KHDRBS2: variants seen among roughly 807,000 people sequenced by gnomAD.
The protein encoded by KHDRBS2 is KH domain-containing, RNA-binding, signal transduction-associated protein 2.
A neutral mutation model predicts 44.3 loss-of-function variants in KHDRBS2; 26 were observed. That is an observed-to-expected ratio of 0.59 (90% CI 0.43 to 0.81). The LOEUF (loss-of-function observed/expected upper bound fraction) is 0.81. Among genes scored for constraint, KHDRBS2 ranks in the 40% least tolerant of loss-of-function variants. KHDRBS2 has a pLI of 0.00. For missense variants in KHDRBS2, 476 were observed against 433.1 expected (o/e 1.10, Z -0.88); for synonymous variants, 194 against 151.1 (o/e 1.28, Z -2.08).
Position 62,266,953 on chromosome 6 carries a change from G to C in KHDRBS2, c.91+18905C>G, listed in dbSNP as rs115677805. Among the ~76,000 whole-genome samples, 385 of 152,056 alleles carry C rather than the reference G, an allele frequency of 2.5e-3. 3 individuals carry two copies. Among genetic ancestry groups the C allele is most frequent in the African/African-American group, 8.5e-3 (352 of 41,522 alleles). On this transcript the variant is annotated intron_variant, in intron 1 of 8. Transcript: ENST00000281156. ...TTTTCTTTAGAAATTAATAAGGTTT[G>C]TTTGGCATCTTAGCTAGTTTCAGTG...
At chr6:62,046,675 G>A (rs1787769112) in intron 3 of KHDRBS2, among the ~76,000 whole-genome samples, 1 of 151,832 alleles carries the variant, frequency 6.6e-6, no homozygotes, top group African/African-American at 2.4e-5. Context: ...CTTGTGGCAG[G>A]ACAAAAGCTT....
chr6:61,743,358 C>T (rs1473096329), intron 6 of KHDRBS2, among the ~76,000 whole-genome samples: 5 of 151,984 alleles, frequency 3.3e-5, no homozygotes, highest in East Asian at 1.9e-4. Flanking sequence ...TCACAGCCCA[C>T]GAGGAAGTGT....
In KHDRBS2 at chr6:62,218,060, C is replaced by T. The variant is rs1432701791; in HGVS notation, c.92-40748G>A. 3.3e-5 allele frequency among the ~76,000 whole-genome samples: 5 copies of T among 151,844 alleles called. 1 individual carries two copies. The highest frequency in any genetic ancestry group is 7.4e-5 in the Non-Finnish European group (5 of 67,886). Reference sequence around the variant, plus strand: ...TTTGGGTTTGCTTTCACCCTTGGGGCATCTTGCCAACACGGGAAGAGACAA... The same window carrying T: ...TTTGGGTTTGCTTTCACCCTTGGGGTATCTTGCCAACACGGGAAGAGACAA... On this transcript the variant is annotated intron_variant, in intron 1 of 8. Coordinates refer to ENST00000281156, the MANE Select transcript of KHDRBS2 (RefSeq NM_152688.4).
intron 7 of KHDRBS2, among the ~76,000 whole-genome samples, chr6:61,729,371 C>T (rs576393394): frequency 9.2e-5 from 14 of 152,166 alleles, no homozygotes; most frequent in South Asian, 2.1e-4. Context: ...ACTGATGGTA[C>T]GAGGCTTAAT....
At chr6:61,824,625 A>C (rs1228207089) in intron 6 of KHDRBS2, among the ~76,000 whole-genome samples, 3 of 152,144 alleles carry the variant, frequency 2.0e-5, no homozygotes, top group Non-Finnish European at 4.4e-5. Context: ...ACATGGAAAA[A>C]CATGCATTTT....
intron 6 of KHDRBS2, among the ~76,000 whole-genome samples, chr6:61,829,694 C>T (rs1791491999): frequency 6.6e-6 from 1 of 152,052 alleles, no homozygotes. Context: ...AAATGGTGTC[C>T]ATAAACTCAT....
intron 6 of KHDRBS2, among the ~76,000 whole-genome samples, chr6:61,744,952 G>A (rs1776656844): frequency 6.6e-6 from 1 of 151,998 alleles, no homozygotes; most frequent in South Asian, 2.1e-4. Context: ...TTTTTGGGAA[G>A]AATGACTGAA....
chr6:62,283,333 A>G (rs1007472600), intron 1 of KHDRBS2, among the ~76,000 whole-genome samples: 1 of 152,070 alleles, frequency 6.6e-6, no homozygotes, highest in African/African-American at 2.4e-5. Context: ...TTTCAACCCC[A>G]CAGCCTTCAA....
At chr6:61,932,568 A>G (rs770205039) in intron 4 of KHDRBS2, among the ~76,000 whole-genome samples, 4 of 152,148 alleles carry the variant, frequency 2.6e-5, no homozygotes, top group Non-Finnish European at 4.4e-5. Flanking sequence ...GGGGAGGCTG[A>G]GGCAGGCGGA....
chr6:61,954,214 T>A (rs1260675943), intron 4 of KHDRBS2, among the ~76,000 whole-genome samples: 6 of 151,998 alleles, frequency 3.9e-5, no homozygotes, highest in African/African-American at 1.4e-4. Context: ...TACAGTCTGA[T>A]AACTCAGTCA....
At chr6:61,745,327 A>G (rs1207374217) in intron 6 of KHDRBS2, among the ~76,000 whole-genome samples, 1 of 152,102 alleles carries the variant, frequency 6.6e-6, no homozygotes, top group Non-Finnish European at 1.5e-5. Flanking sequence ...TTCGACTCCC[A>G]TTTTTTAAAA....
chr6:61,952,513 G>T (rs560439564), intron 4 of KHDRBS2, among the ~76,000 whole-genome samples: 1 of 152,054 alleles, frequency 6.6e-6, no homozygotes, highest in African/African-American at 2.4e-5. Flanking sequence ...TTTTTATTAG[G>T]TTAGTGCAAA....
At chr6:62,153,991 GT>G (rs1318305724) in intron 2 of KHDRBS2, among the ~76,000 whole-genome samples, 1 of 152,138 alleles carries the variant, frequency 6.6e-6, no homozygotes, top group Non-Finnish European at 1.5e-5. Flanking sequence ...AGTCCTGGGT[GT>G]TTGGTTTCTT....
chr6:61,724,638 C>T lies in KHDRBS2; in HGVS notation c.893+8044G>A, dbSNP rs781223099. 8.6e-5 allele frequency among the ~76,000 whole-genome samples: 13 copies of T among 151,770 alleles called. 1 individual carries two copies. In the South Asian group the frequency reaches 1.0e-3, roughly 12 times the overall value. On this transcript the variant is annotated intron_variant, in intron 7 of 8. Transcript: ENST00000281156. ...GAGAATTTACCAAGCAAACGGAAAA[C>T]GAAAAAGCAGGGGTTGTAATCCTAG...
At chr6:62,182,723 G>A (rs565363277) in intron 1 of KHDRBS2, among the ~76,000 whole-genome samples, 4 of 151,822 alleles carry the variant, frequency 2.6e-5, no homozygotes, top group Non-Finnish European at 4.4e-5. Flanking sequence ...ATGCAATTGC[G>A]TGGACTGGCA....
chr6:61,847,749 G>A (rs1370072004), intron 6 of KHDRBS2, among the ~76,000 whole-genome samples: 1 of 152,012 alleles, frequency 6.6e-6, no homozygotes, highest in Non-Finnish European at 1.5e-5. Flanking sequence ...CCTTCATGGA[G>A]AGGGTTTCCG....
chr6:61,884,406 C>T (rs1404743479), intron 6 of KHDRBS2, among the ~76,000 whole-genome samples: 1 of 151,956 alleles, frequency 6.6e-6, no homozygotes, highest in South Asian at 2.1e-4. Flanking sequence ...CGATACACCT[C>T]CTTGATGTCT....
At chr6:62,215,630 T>C (rs1184782864) in intron 1 of KHDRBS2, among the ~76,000 whole-genome samples, 1 of 151,870 alleles carries the variant, frequency 6.6e-6, no homozygotes, top group Non-Finnish European at 1.5e-5. Context: ...CTTAGGTTAT[T>C]TAAATTATTC....
At chr6:61,797,394 G>C (rs1298281568) in intron 6 of KHDRBS2, among the ~76,000 whole-genome samples, 1 of 152,144 alleles carries the variant, frequency 6.6e-6, no homozygotes, top group African/African-American at 2.4e-5. Flanking sequence ...AGATCACAGA[G>C]AGCCTTTAAC....
Sources: allele counts gnomAD v4.1 joint callset (sites outside exome capture counted in the v4.1 genomes callset), GRCh38; gene constraint gnomAD v4.1.1; transcripts MANE v1.5; gene names NCBI Gene and HGNC (gene_info 2026-07-23, HGNC 2026-07-21).